The following SNX16 variants were observed in gnomAD, a reference collection of about 807,000 sequenced individuals.
SNX16 encodes sorting nexin-16.
Under a neutral mutation model 36.7 loss-of-function variants are expected in SNX16, and 35 were observed. The observed-to-expected ratio is 0.95, with a 90% CI of 0.73 to 1.27. The LOEUF (loss-of-function observed/expected upper bound fraction) is 1.27, where lower values mean the gene tolerates loss of function less well. SNX16 is among the 50% of genes most tolerant of loss of function. The pLI is 0.00. For missense variants in SNX16, 367 were observed against 393.6 expected (o/e 0.93, Z 0.57); for synonymous variants, 134 against 132.0 (o/e 1.02, Z -0.10).
intron 2 of SNX16, among the ~76,000 whole-genome samples, chr8:81,835,950 C>T (rs1273248411): frequency 2.0e-5 from 3 of 152,176 alleles, no homozygotes; most frequent in East Asian, 1.9e-4. Context: ...GCCCCTTGTC[C>T]CTCATCTGAG....
At chr8:81,804,104 T>C (rs1349057750) in intron 5 of SNX16, among the ~76,000 whole-genome samples, 2 of 151,858 alleles carry the variant, frequency 1.3e-5, no homozygotes, top group African/African-American at 4.8e-5. Context: ...AAACAGTCTA[T>C]GTCAAAGGCA....
intron 5 of SNX16, among the ~76,000 whole-genome samples, chr8:81,814,234 G>A (rs1810383313): frequency 6.6e-6 from 1 of 151,906 alleles, no homozygotes; most frequent in Non-Finnish European, 1.5e-5. Flanking sequence ...AAACCATTTA[G>A]TAATGAAATA....
intron 5 of SNX16, among the ~76,000 whole-genome samples, chr8:81,805,377 T>C (rs1809884379): frequency 6.6e-6 from 1 of 152,040 alleles, no homozygotes; most frequent in African/African-American, 2.4e-5. Flanking sequence ...AACTGTATAA[T>C]ACTAGAAACA....
chr8:81,805,598 T>A (rs1809894996), intron 5 of SNX16, among the ~76,000 whole-genome samples: 2 of 152,096 alleles, frequency 1.3e-5, no homozygotes, highest in African/African-American at 4.8e-5. Context: ...TAAAGATATG[T>A]TAAGAGATTT....
In SNX16 at chr8:81,829,445, A is replaced by G. The variant is rs185714461; in HGVS notation, c.447T>C (p.Ser149=). 9 of 1,415,674 alleles carry G rather than the reference A, an allele frequency of 6.4e-6. No individual in the cohort carries two copies. In the Admixed American group the frequency reaches 2.0e-4, roughly 31 times the overall value. The allele number at this position is 1,415,674 out of a possible 1,614,324, so 87.7% of individuals were successfully genotyped here. ...TAGTACTTACTTTGTCATTAAGCCT[A>G]GAGAAGTCAGTGTATCTTCTGAAAA... ...WVVFRRYTDF[S]RLNDKLKEMF... Residue 149 remains serine, a synonymous_variant, in exon 3 of 8, where the codon TCT becomes TCC. Transcript: ENST00000345957.
rs374288130 is a variant in SNX16 at position 81,842,177 on chromosome 8, A to C, written c.-152T>G. 1 of 147,710 alleles carries C rather than the reference A, an allele frequency of 6.8e-6. No homozygotes were observed. Among genetic ancestry groups the C allele is most frequent in the South Asian group, 2.2e-4 (1 of 4,580 alleles). The allele number at this position is 147,710 out of a possible 1,614,324, so 9.1% of individuals were successfully genotyped here. A position where few individuals can be genotyped will look rare whatever the true frequency, so the allele number is the denominator to read the frequency against. On this transcript the variant is annotated 5_prime_UTR_variant, in exon 1 of 8. Transcript: ENST00000345957. ...CGCTTCCCGGTGACGGTTAAACCGG[A>C]CTCTCCTTAACCGCAGCTTTTCGCC...
At chr8:81,808,933 T>G (rs1166329798) in intron 5 of SNX16, among the ~76,000 whole-genome samples, 1 of 152,168 alleles carries the variant, frequency 6.6e-6, no homozygotes, top group Non-Finnish European at 1.5e-5. Flanking sequence ...TAACAGGTTA[T>G]TTTAGTTTCT....
intron 2 of SNX16, among the ~76,000 whole-genome samples, chr8:81,838,442 G>A (rs1490715561): frequency 1.3e-5 from 2 of 151,934 alleles, no homozygotes; most frequent in African/African-American, 4.8e-5. Flanking sequence ...AATTAGTAAA[G>A]GATGAAAAAA....
chr8:81,826,879 G>A (rs1417275711), intron 3 of SNX16, among the ~76,000 whole-genome samples: 2 of 152,042 alleles, frequency 1.3e-5, no homozygotes, highest in Non-Finnish European at 2.9e-5. Context: ...TTCTACATAA[G>A]AGTAACTCCA....
Position 81,810,587 on chromosome 8 carries a change from T to C in SNX16, c.681+4738A>G, listed in dbSNP as rs185154481. ...CAAATACAACTGTAGGAAAATGCAT[T>C]TATTTTAGAGAAAGAGTCTAGGAGA... On this transcript the variant is annotated intron_variant, in intron 5 of 7. Coordinates refer to ENST00000345957, the MANE Select transcript of SNX16 (RefSeq NM_152836.3). Among the ~76,000 whole-genome samples the C allele has an allele frequency of 2.9e-4, 44 of 152,342 alleles. No individual in the cohort carries two copies. In the Middle Eastern group the frequency reaches 0.017, roughly 59 times the overall value.
At chr8:81,831,670 C>T (rs1811273921) in intron 2 of SNX16, among the ~76,000 whole-genome samples, 2 of 137,714 alleles carry the variant, frequency 1.5e-5, no homozygotes, top group South Asian at 2.3e-4. Flanking sequence ...TGCACTCTAG[C>T]GAGTGACAGA....
chr8:81,809,569 A>G (rs1179024253), intron 5 of SNX16, among the ~76,000 whole-genome samples: 2 of 152,192 alleles, frequency 1.3e-5, no homozygotes, highest in African/African-American at 4.8e-5. Context: ...AAGAATGTGC[A>G]GCTACTATGG....
chr8:81,808,169 T>G, intron 5 of SNX16: 1 of 1,303,514 alleles, frequency 7.7e-7, no homozygotes. Context: ...AAAATGGAAG[T>G]GATTGAAATC....
intron 5 of SNX16, among the ~76,000 whole-genome samples, chr8:81,810,817 C>T (rs74984773): frequency 0.09 from 13,619 of 152,040 alleles, 702 homozygotes; most frequent in East Asian, 0.18. Context: ...TCAATGCACA[C>T]GTCAGGCTGT....
intron 2 of SNX16, among the ~76,000 whole-genome samples, chr8:81,834,959 C>T (rs1417157247): frequency 6.6e-6 from 1 of 152,236 alleles, no homozygotes; most frequent in African/African-American, 2.4e-5. Flanking sequence ...TCTGACCCCA[C>T]ATTTCCCTTC....
At chr8:81,805,791 A>G (rs11987391) in intron 5 of SNX16, among the ~76,000 whole-genome samples, 37,497 of 151,658 alleles carry the variant, frequency 0.25, 5,146 homozygotes, top group East Asian at 0.37. Context: ...CGTGGTGGCG[A>G]GGGCCTGTAG....
At chr8:81,818,751 A>G (rs1022165699) in intron 4 of SNX16, among the ~76,000 whole-genome samples, 2 of 152,082 alleles carry the variant, frequency 1.3e-5, no homozygotes, top group Non-Finnish European at 2.9e-5. Flanking sequence ...TATCAGCATC[A>G]CCTAGAAACC....
At chr8:81,825,279 T>TAA (rs1810959013) in intron 3 of SNX16, among the ~76,000 whole-genome samples, 1 of 152,182 alleles carries the variant, frequency 6.6e-6, no homozygotes, top group East Asian at 1.9e-4. Context: ...AAAGACAAAC[T>TAA]GACACACATT....
At chr8:81,826,032 C>T (rs765400154) in intron 3 of SNX16, among the ~76,000 whole-genome samples, 19 of 85,592 alleles carry the variant, frequency 2.2e-4, no homozygotes, top group East Asian at 1.0e-3. Flanking sequence ...TTTTTTTTTT[C>T]CCCTTAAAAA....
Sources: gnomAD v4.1 joint callset for allele counts (sites outside exome capture counted in the v4.1 genomes callset) on GRCh38, gnomAD v4.1.1 for gene constraint, MANE v1.5 for transcripts, NCBI Gene and HGNC (gene_info 2026-07-23, HGNC 2026-07-21) for gene names.